The following KREMEN1 variants were observed in gnomAD, a reference collection of about 807,000 sequenced individuals.
KREMEN1 encodes the protein kremen protein 1.
A neutral mutation model predicts 46.5 loss-of-function variants in KREMEN1; 30 were observed. The observed-to-expected ratio is 0.65, with a 90% confidence interval of 0.48 to 0.88. The LOEUF (loss-of-function observed/expected upper bound fraction) is 0.88. KREMEN1 is among the 40% of genes least tolerant of loss of function. The probability of loss-of-function intolerance (pLI) is 0.00; values close to 1 mark genes in which losing one functional copy is unlikely to be tolerated. For missense variants in KREMEN1, 533 were observed against 596.9 expected, an observed-to-expected ratio of 0.89 and a Z score of 1.11; for synonymous variants, 214 against 230.6, an observed-to-expected ratio of 0.93 and a Z score of 0.65.
At chr22:29,131,738 G>A (rs12483988) in intron 5 of KREMEN1, among the ~76,000 whole-genome samples, 3 of 131,974 alleles carry the variant, frequency 2.3e-5, no homozygotes, top group African/African-American at 6.4e-5. Flanking sequence ...GTATATATGT[G>A]TATATATATG....
chr22:29,123,517 C>T (rs1034699282), intron 4 of KREMEN1, among the ~76,000 whole-genome samples: 11 of 152,154 alleles, frequency 7.2e-5, no homozygotes, highest in Non-Finnish European at 1.0e-4. Context: ...GTCATCTGGG[C>T]GTGGTGGCTC....
intron 4 of KREMEN1, among the ~76,000 whole-genome samples, chr22:29,123,842 C>A (rs1032877682): frequency 1.3e-5 from 2 of 152,156 alleles, no homozygotes; most frequent in African/African-American, 4.8e-5. Flanking sequence ...ACATCATTAG[C>A]CATTAAGGTA....
chr22:29,079,688 C>A (rs1159480458), intron 1 of KREMEN1, among the ~76,000 whole-genome samples: 2 of 152,192 alleles, frequency 1.3e-5, no homozygotes, highest in African/African-American at 4.8e-5. Context: ...GTGTAGGCAA[C>A]TTTTAAAGGT....
intron 9 of KREMEN1, among the ~76,000 whole-genome samples, chr22:29,157,722 C>A (rs1460467861): frequency 6.6e-6 from 1 of 152,180 alleles, no homozygotes; most frequent in African/African-American, 2.4e-5. Context: ...GTGGCAAGGA[C>A]CCGCCTTGGA....
At chr22:29,119,782 C>T (rs963916689) in intron 3 of KREMEN1, among the ~76,000 whole-genome samples, 2 of 152,220 alleles carry the variant, frequency 1.3e-5, no homozygotes, top group African/African-American at 2.4e-5. Flanking sequence ...CACTAATATG[C>T]TCAGTGTGGT....
intron 3 of KREMEN1, among the ~76,000 whole-genome samples, chr22:29,116,744 A>G (rs1424274719): frequency 2.0e-5 from 3 of 152,190 alleles, no homozygotes; most frequent in Non-Finnish European, 2.9e-5. Flanking sequence ...CTTATTAACA[A>G]CCATTAAATG....
At chr22:29,119,813 A>G (rs900677531) in intron 3 of KREMEN1, among the ~76,000 whole-genome samples, 1 of 152,262 alleles carries the variant, frequency 6.6e-6, no homozygotes, top group African/African-American at 2.4e-5. Flanking sequence ...ATGGCCCTCC[A>G]AAGATGTTCA....
At chr22:29,090,484 T>C (rs550797338) in intron 1 of KREMEN1, among the ~76,000 whole-genome samples, 1 of 152,276 alleles carries the variant, frequency 6.6e-6, no homozygotes, top group East Asian at 1.9e-4. Context: ...AGTTTACCTG[T>C]GTAACAAACC....
intron 3 of KREMEN1, among the ~76,000 whole-genome samples, chr22:29,103,333 A>G (rs897734692): frequency 6.6e-6 from 1 of 152,148 alleles, no homozygotes; most frequent in South Asian, 2.1e-4. Flanking sequence ...ATGGTGGGCC[A>G]TTGTGTGGAA....
At chr22:29,108,542 A>T (rs984219304) in intron 3 of KREMEN1, among the ~76,000 whole-genome samples, 9 of 152,224 alleles carry the variant, frequency 5.9e-5, no homozygotes, top group Admixed American at 5.9e-4. Flanking sequence ...GTCCTAGCAC[A>T]TATCAGGTAG....
intron 2 of KREMEN1, among the ~76,000 whole-genome samples, chr22:29,094,725 G>GC (rs1207869641): frequency 6.7e-6 from 1 of 150,052 alleles, no homozygotes; most frequent in Non-Finnish European, 1.5e-5. Flanking sequence ...CCGGGTTCAC[G>GC]CCATTCTCCT....
chr22:29,163,358 C>T (rs2039028627), intron 9 of KREMEN1, among the ~76,000 whole-genome samples: 3 of 152,048 alleles, frequency 2.0e-5, no homozygotes. Flanking sequence ...TTATAAATTA[C>T]CCAGTTTCAG....
chr22:29,087,690 C>T (rs939216379), intron 1 of KREMEN1, among the ~76,000 whole-genome samples: 4 of 152,062 alleles, frequency 2.6e-5, no homozygotes, highest in African/African-American at 9.7e-5. Flanking sequence ...CTCAACCTCC[C>T]AAGTAGCTGG....
At chr22:29,156,507 G>A (rs554867870) in intron 9 of KREMEN1, among the ~76,000 whole-genome samples, 1 of 152,116 alleles carries the variant, frequency 6.6e-6, no homozygotes, top group African/African-American at 2.4e-5. Flanking sequence ...GATTGGGCCT[G>A]TGCTAGAACT....
chr22:29,108,244 G>T (rs1206123909), intron 3 of KREMEN1, among the ~76,000 whole-genome samples: 1 of 152,222 alleles, frequency 6.6e-6, no homozygotes, highest in Non-Finnish European at 1.5e-5. Flanking sequence ...CCTAGATTGC[G>T]CCATTGCACT....
intron 2 of KREMEN1, 87 bp downstream of exon 2, chr22:29,094,507 G>T: frequency 1.3e-5 from 16 of 1,221,864 alleles, no homozygotes; most frequent in East Asian, 9.8e-5. Flanking sequence ...TCACAACTAG[G>T]GGAAGTCTTT....
At chr22:29,129,345 T>TA (rs372376872) in intron 5 of KREMEN1, among the ~76,000 whole-genome samples, 121 of 141,696 alleles carry the variant, frequency 8.5e-4, no homozygotes, top group African/African-American at 2.6e-3. Flanking sequence ...AGACTCCATC[T>TA]AAAAAAAAAA....
chr22:29,140,356 G>A lies in KREMEN1; in HGVS notation c.1198G>A (p.Val400Ile), dbSNP rs779474260. The A allele has an allele frequency of 2.7e-5, 43 of 1,612,904 alleles. No individual in the cohort carries two copies. The highest frequency in any genetic ancestry group is 1.3e-4 in the Admixed American group (8 of 60,006). ...TAIVAKILLH[V>I]TFKSHRVPAS... ...CATTGTAGCAAAGATACTTCTGCAC[G>A]TCACATTCAAGTGAGTACAAGAGGG... Residue 400 changes from valine to isoleucine, a missense_variant, in exon 8 of 9, where the codon GTC (valine) becomes ATC (isoleucine). Physicochemically the swap from Val to Ile is conservative, Grantham distance 29. Transcript: ENST00000400335.
chr22:29,087,343 T>C (rs756130491), intron 1 of KREMEN1, among the ~76,000 whole-genome samples: 7 of 151,922 alleles, frequency 4.6e-5, no homozygotes, highest in Non-Finnish European at 1.5e-5. Flanking sequence ...AAACAATGAC[T>C]CTCATAAGCA....
Sources: allele counts gnomAD v4.1 joint callset (sites outside exome capture counted in the v4.1 genomes callset), GRCh38; gene constraint gnomAD v4.1.1; transcripts MANE v1.5; gene names NCBI Gene and HGNC (gene_info 2026-07-23, HGNC 2026-07-21).